HERC5: variants seen among roughly 807,000 people sequenced by gnomAD.
HERC5 encodes E3 ISG15--protein ligase HERC5.
A neutral mutation model predicts 119.6 loss-of-function variants in HERC5; 99 were observed. That is an observed-to-expected ratio of 0.83 (90% CI 0.70 to 0.98). HERC5 has a LOEUF of 0.98. Among genes scored for constraint, HERC5 ranks in the 50% least tolerant of loss-of-function variants. The pLI is 0.00. For missense variants in HERC5, 1,267 were observed against 1,241.3 expected (o/e 1.02, Z -0.31); for synonymous variants, 478 against 445.9 (o/e 1.07, Z -0.91).
At chr4:88,492,572 C>T (rs954907113) in intron 16 of HERC5, among the ~76,000 whole-genome samples, 10 of 151,440 alleles carry the variant, frequency 6.6e-5, no homozygotes, top group Non-Finnish European at 1.2e-4. Context: ...AGTGAAACCC[C>T]GTCTCTACTT....
chr4:88,472,524 G>C (rs956134674), intron 11 of HERC5, 22 bp downstream of exon 11: 2 of 1,324,276 alleles, frequency 1.5e-6, no homozygotes, highest in East Asian at 2.3e-5. Context: ...TTGTTATGTG[G>C]AGAAAGAAAA....
chr4:88,477,733 A>C (rs1040375667), intron 12 of HERC5, among the ~76,000 whole-genome samples: 4 of 152,180 alleles, frequency 2.6e-5, no homozygotes, highest in Admixed American at 1.3e-4. Context: ...AGTAAGTTCT[A>C]GGGGCATGAA....
rs1363111161 is a variant in HERC5 at position 88,459,361 on chromosome 4, G to A, written c.280G>A (p.Gly94Arg). The A allele has an allele frequency of 1.9e-6, 3 of 1,584,504 alleles. No homozygotes were observed. Among genetic ancestry groups the A allele is most frequent in the Non-Finnish European group, 2.6e-6 (3 of 1,169,816 alleles). Residue 94 changes from glycine to arginine, a missense_variant, in exon 2 of 23, where the codon GGA becomes AGA. By Grantham distance (125) the Gly-to-Arg change is moderately radical. Around this residue, in one of 3 missense-constraint regions of HERC5, gnomAD observed 777 missense variants for 758.0 expected, o/e 1.03. Transcript: ENST00000264350. The part of the protein sequence containing the change: ...GARTPKCIKL[G>R]KNMKIHSVDQ... ...TTGCTCTGTAGAATGCATTAAATTA[G>A]GAAAAAACATGAAGATACATTCCGT...
chr4:88,470,905 A>ATG (rs758574879), intron 10 of HERC5, among the ~76,000 whole-genome samples: 4 of 152,074 alleles, frequency 2.6e-5, no homozygotes, highest in Non-Finnish European at 5.9e-5. Flanking sequence ...ACTTACGTAT[A>ATG]TGATTATATT....
intron 16 of HERC5, 22 bp downstream of exon 16, chr4:88,489,358 ATGTT>A: frequency 6.4e-7 from 1 of 1,569,428 alleles, no homozygotes; most frequent in Non-Finnish European, 8.6e-7. Flanking sequence ...TTCTCACTTA[ATGTT>A]TTTGCTGCTG....
rs141622783 is a variant in HERC5 at position 88,504,356 on chromosome 4, G to A, written c.2707G>A (p.Glu903Lys). 2.6e-3 allele frequency: 4,207 copies of A among 1,611,868 alleles called. 10 individuals are homozygous for A. Among genetic ancestry groups the A allele is most frequent in the Non-Finnish European group, 3.3e-3 (3,914 of 1,178,584 alleles). The change falls in exon 21 of 23, where the codon GAA (glutamate) becomes AAA (lysine). Residue 903 changes from glutamate to lysine, a missense_variant. By Grantham distance (56) the Glu-to-Lys change is moderately conservative. Transcript: ENST00000264350. ...DEDIIKLFHPEELKDVIVGNT... is the reference protein window; with the variant it reads ...DEDIIKLFHPKELKDVIVGNT... ...AGACATTATCAAATTATTCCACCCC[G>A]AAGAACTGAAGGATGTGATTGTTGG...
chr4:88,457,354 C>A lies in HERC5; in HGVS notation c.85C>A (p.Pro29Thr). ...KAAATQPAKS[P>T]GAQLWLFPSA... Reference sequence around the variant, plus strand: ...CGCCGCGACCCAGCCCGCGAAGTCTCCGGGCGCACAGCTCTGGCTCTTTCC... The same window carrying A: ...CGCCGCGACCCAGCCCGCGAAGTCTACGGGCGCACAGCTCTGGCTCTTTCC... Residue 29 changes from proline to threonine, a missense_variant, in exon 1 of 23, where the codon CCG becomes ACG. Around this residue, in one of 3 missense-constraint regions of HERC5, gnomAD observed 777 missense variants for 758.0 expected, o/e 1.03. Coordinates refer to ENST00000264350, the MANE Select transcript of HERC5 (RefSeq NM_016323.4). The A allele has an allele frequency of 7.0e-7, 1 of 1,427,456 alleles. No homozygotes were observed. The highest frequency in any genetic ancestry group is 9.2e-7 in the Non-Finnish European group (1 of 1,092,606). 88.4% of individuals were successfully genotyped at this position (1,427,456 alleles called of 1,614,324 possible).
chr4:88,465,869 T>C (rs1471005964), intron 6 of HERC5, among the ~76,000 whole-genome samples: 1 of 152,242 alleles, frequency 6.6e-6, no homozygotes, highest in African/African-American at 2.4e-5. Context: ...TCACCTCCCC[T>C]TGGAGCAGGT....
Position 88,486,175 on chromosome 4 carries a change from C to A in HERC5, c.1798C>A (p.Arg600Ser). 6.2e-7 allele frequency: 1 copy of A among 1,611,732 alleles called. No homozygotes were observed. Among genetic ancestry groups the A allele is most frequent in the Non-Finnish European group, 8.5e-7 (1 of 1,178,536 alleles). The change falls in exon 14 of 23, where the codon CGT (arginine) becomes AGT (serine). Residue 600 changes from arginine to serine, a missense_variant. Arg to Ser is a moderately radical substitution (Grantham distance 110). Coordinates refer to ENST00000264350, the MANE Select transcript of HERC5 (RefSeq NM_016323.4). Reference protein sequence around the residue: ...SIFQVDELLHRLNFFVEVCRR... With the variant: ...SIFQVDELLHSLNFFVEVCRR... ...TTTCCAAGTAGACGAACTCTTGCACCGTCTCAATTTTTTTGTAGAAGTATG... is the reference window on the plus strand; with the variant it reads ...TTTCCAAGTAGACGAACTCTTGCACAGTCTCAATTTTTTTGTAGAAGTATG...
intron 10 of HERC5, among the ~76,000 whole-genome samples, chr4:88,471,528 C>T (rs1740869508): frequency 6.6e-6 from 1 of 151,436 alleles, no homozygotes; most frequent in East Asian, 2.0e-4. Flanking sequence ...TTTGTAAAGA[C>T]AGCAGCTTTG....
chr4:88,462,209 A>G lies in HERC5; in HGVS notation c.541A>G (p.Thr181Ala), dbSNP rs1361945560. The stretch of plus-strand genomic sequence containing the variant: ...TGGAAGGAAATTTCCCTCAACCACC[A>G]CACCACAGATTGTGGAGCACCTCGC... Reference protein sequence around the residue: ...GVGRKFPSTTTPQIVEHLAGV... With the variant: ...GVGRKFPSTTAPQIVEHLAGV... Residue 181 changes from threonine to alanine, a missense_variant, in exon 4 of 23, where the codon ACA becomes GCA. Thr to Ala is a moderately conservative substitution (Grantham distance 58). This residue lies in a region of HERC5 where 777 missense variants were observed against 758.0 expected (regional missense o/e 1.03). Coordinates refer to ENST00000264350, the MANE Select transcript of HERC5 (RefSeq NM_016323.4). The G allele has an allele frequency of 1.2e-6, 2 of 1,614,208 alleles. No individual in the cohort carries two copies. Among genetic ancestry groups the G allele is most frequent in the East Asian group, 2.2e-5 (1 of 44,890 alleles).
At chr4:88,501,346 G>A (rs374367912) in intron 20 of HERC5, among the ~76,000 whole-genome samples, 7 of 152,220 alleles carry the variant, frequency 4.6e-5, no homozygotes, top group East Asian at 1.9e-4. Context: ...TAGTGAATGC[G>A]GCAGGGACTT....
rs561250604 is a variant in HERC5, at chr4:88,466,939, C to T, written c.912-120C>T. On this transcript the variant is annotated intron_variant, in intron 6 of 22. Coordinates refer to ENST00000264350, the MANE Select transcript of HERC5 (RefSeq NM_016323.4). ...TTGGTTTCCAGATGATTTTCATCCTCTAAGAGATGTTTAGTTTCACTCTCA... is the reference window on the plus strand; with the variant it reads ...TTGGTTTCCAGATGATTTTCATCCTTTAAGAGATGTTTAGTTTCACTCTCA... The T allele has an allele frequency of 1.9e-4, 195 of 1,003,370 alleles. No individual in the cohort carries two copies. In the African/African-American group the frequency reaches 1.9e-3, roughly 10 times the overall value. 62.2% of individuals were successfully genotyped at this position (1,003,370 alleles called of 1,614,324 possible).
chr4:88,475,491 A>C (rs1741030233), intron 11 of HERC5, among the ~76,000 whole-genome samples: 1 of 151,728 alleles, frequency 6.6e-6, no homozygotes, highest in South Asian at 2.1e-4. Flanking sequence ...GCTAATTTTC[A>C]TATTTTAAGT....
intron 22 of HERC5, among the ~76,000 whole-genome samples, chr4:88,505,154 A>G (rs1742067955): frequency 6.6e-6 from 1 of 152,178 alleles, no homozygotes; most frequent in Admixed American, 6.5e-5. Context: ...TGTCCCAACC[A>G]AATAATCCCA....
In HERC5 at chr4:88,469,202, G is replaced by A; in HGVS notation, c.1180G>A (p.Gly394Arg). The A allele has an allele frequency of 6.2e-7, 1 of 1,613,360 alleles. No homozygotes were observed. Among genetic ancestry groups the A allele is most frequent in the Non-Finnish European group, 8.5e-7 (1 of 1,179,412 alleles). Residue 394 changes from glycine (G) to arginine (R), a missense_variant, in exon 9 of 23, where the codon GGG (glycine) becomes AGG (arginine). Gly to Arg is a moderately radical substitution (Grantham distance 125). Around this residue, in one of 3 missense-constraint regions of HERC5, gnomAD observed 777 missense variants for 758.0 expected, o/e 1.03. Transcript: ENST00000264350. ...LKRTIPTLNE[G>R]TVKRWIADVE... ...GAGGACAATTCCTACTCTGAATGAA[G>A]GGACTGTAAAGAGATGGATTGCTGA...
At chr4:88,488,474 C>T (rs970783425) in intron 15 of HERC5, among the ~76,000 whole-genome samples, 11 of 151,980 alleles carry the variant, frequency 7.2e-5, no homozygotes, top group African/African-American at 9.7e-5. Flanking sequence ...TCAAGTGATC[C>T]GCCCGCCTCA....
Position 88,457,540 on chromosome 4 carries a change from T to TGGGGCTGGTGTGTGAGG in HERC5, c.265+8_265+24dup. On this transcript the variant is annotated splice_region_variant and intron_variant, in intron 1 of 22. Coordinates refer to ENST00000264350, the MANE Select transcript of HERC5 (RefSeq NM_016323.4). ...CGGCGGCGCCCGGACGCCGAGTGAG[T>TGGGGCTGGTGTGTGAGG]GGGGCTGGTGTGTGAGGGCTGTGAG... The TGGGGCTGGTGTGTGAGG allele has an allele frequency of 1.6e-6, 2 of 1,261,054 alleles. No individual in the cohort carries two copies. The highest frequency in any genetic ancestry group is 2.0e-6 in the Non-Finnish European group (2 of 1,003,012). 78.1% of individuals were successfully genotyped at this position (1,261,054 alleles called of 1,614,324 possible).
intron 18 of HERC5, among the ~76,000 whole-genome samples, chr4:88,499,000 T>C (rs763383153): frequency 1.3e-5 from 2 of 152,194 alleles, no homozygotes; most frequent in Non-Finnish European, 2.9e-5. Context: ...TACTTCACAA[T>C]ACAGTAATTT....
Sources: gnomAD v4.1 joint callset for allele counts (sites outside exome capture counted in the v4.1 genomes callset) on GRCh38, gnomAD v4.1.1 for gene constraint, gnomAD v4.1.1 regional missense constraint, MANE v1.5 for transcripts, NCBI Gene and HGNC (gene_info 2026-07-23, HGNC 2026-07-21) for gene names.